The following RERE variants were observed in gnomAD, a reference collection of about 807,000 sequenced individuals.
RERE encodes arginine-glutamic acid dipeptide repeats.
A neutral mutation model predicts 146.1 loss-of-function variants in RERE; 40 were observed. The ratio of observed to expected loss-of-function variants is 0.27; its 90% confidence interval spans 0.21 to 0.36. RERE has a LOEUF of 0.36. RERE is among the 10% of genes least tolerant of loss of function. RERE has a pLI of 1.00. For synonymous variants in RERE, 1,003 were observed against 866.0 expected, an observed-to-expected ratio of 1.16 and a Z score of -2.78; for missense variants, 1,933 against 2,138.7, an observed-to-expected ratio of 0.90 and a Z score of 1.90.
chr1:8,796,657 T>C (rs1373585816), intron 1 of RERE: 1 of 151,960 alleles, frequency 6.6e-6, no homozygotes, highest in Non-Finnish European at 1.5e-5. Context: ...ATTAAATCAC[T>C]AACTTCAGCC....
At chr1:8,710,721 T>C (rs1639649376) in intron 1 of RERE, among the ~76,000 whole-genome samples, 1 of 152,164 alleles carries the variant, frequency 6.6e-6, no homozygotes, top group Non-Finnish European at 1.5e-5. Context: ...TTCACCGTGT[T>C]AGCCAGGACG....
intron 11 of RERE, among the ~76,000 whole-genome samples, chr1:8,460,007 G>A (rs948311688): frequency 7.2e-5 from 11 of 152,016 alleles, no homozygotes; most frequent in Admixed American, 2.0e-4. Context: ...TGAAATCCAC[G>A]TAACCATAAC....
chr1:8,376,740 T>G (rs759223010), intron 12 of RERE, among the ~76,000 whole-genome samples: 41 of 152,336 alleles, frequency 2.7e-4, no homozygotes, highest in South Asian at 8.3e-4. Flanking sequence ...CCTAAAGAGA[T>G]ACGGGCTCTG....
chr1:8,759,365 TAGAA>T lies in RERE; in HGVS notation c.-145+57791_-145+57794del, dbSNP rs530144332. Among the ~76,000 whole-genome samples the T allele has an allele frequency of 2.2e-3, 330 of 152,194 alleles. 1 individual carries two copies. Among genetic ancestry groups the T allele is most frequent in the African/African-American group, 7.7e-3 (321 of 41,524 alleles). ...CTTTCAAAAGGCAAGGATGAAGAAT[TAGAA>T]AGAAAAAGGCCAGAAGCACACAAGT... is the stretch of plus-strand genomic sequence containing the variant. On this transcript the variant is annotated intron_variant, in intron 1 of 22. Coordinates refer to ENST00000400908, the MANE Select transcript of RERE (RefSeq NM_001042681.2).
chr1:8,730,470 G>A (rs986028583), intron 1 of RERE, among the ~76,000 whole-genome samples: 4 of 152,066 alleles, frequency 2.6e-5, no homozygotes, highest in Non-Finnish European at 4.4e-5. Flanking sequence ...AGCCTCCCAA[G>A]TAGCTGGGAT....
chr1:8,594,831 C>T (rs1340231263), intron 4 of RERE, among the ~76,000 whole-genome samples: 9 of 152,084 alleles, frequency 5.9e-5, no homozygotes, highest in African/African-American at 1.4e-4. Context: ...CACTCACTTC[C>T]AGGAGGCCCT....
intron 4 of RERE, among the ~76,000 whole-genome samples, chr1:8,589,936 CTT>C (rs1300539830): frequency 2.6e-5 from 4 of 152,226 alleles, no homozygotes; most frequent in African/African-American, 4.8e-5. Context: ...TAGAACATCT[CTT>C]GTCTCAATGT....
chr1:8,479,301 T>A (rs1405069665), intron 10 of RERE, among the ~76,000 whole-genome samples: 1 of 147,346 alleles, frequency 6.8e-6, no homozygotes, highest in African/African-American at 2.7e-5. Context: ...TTTTTTAAAT[T>A]TTTTTTAAAT....
intron 4 of RERE, among the ~76,000 whole-genome samples, chr1:8,559,280 CAAAAAAAAAAAA>C (rs548075266): frequency 3.3e-4 from 4 of 12,076 alleles, no homozygotes; most frequent in Non-Finnish European, 4.8e-4. Flanking sequence ...AACTCCAGCT[CAAAAAAAAAAAA>C]AAAAAAAAAA....
At chr1:8,720,114 A>C (rs1460400582) in intron 1 of RERE, among the ~76,000 whole-genome samples, 1 of 152,058 alleles carries the variant, frequency 6.6e-6, no homozygotes, top group Non-Finnish European at 1.5e-5. Context: ...AAATACAAAA[A>C]AAAAAAAATT....
At chr1:8,695,567 T>C (rs1017700310) in intron 1 of RERE, among the ~76,000 whole-genome samples, 27 of 111,994 alleles carry the variant, frequency 2.4e-4, no homozygotes, top group Non-Finnish European at 4.0e-4. Flanking sequence ...CTGAACAACA[T>C]GGTGAAGCTC....
rs1643961263 is a variant in RERE, at chr1:8,423,887, C to T, written c.1204-1080G>A. 6.3e-6 allele frequency: 1 copy of T among 158,918 alleles called. No homozygotes were observed. Among genetic ancestry groups the T allele is most frequent in the Non-Finnish European group, 1.3e-5 (1 of 75,394 alleles). The allele number at this position is 158,918 out of a possible 1,614,324, so 9.8% of individuals were successfully genotyped here. A position where few individuals can be genotyped will look rare whatever the true frequency, so the allele number is the denominator to read the frequency against. On this transcript the variant is annotated intron_variant, in intron 11 of 22. Coordinates refer to ENST00000400908, the MANE Select transcript of RERE (RefSeq NM_001042681.2). This position sits in a 1 kb window ranked among gnomAD's most constrained non-coding sequence, Gnocchi z 5.4. ...CCAGCCGGGGCCCCGCGCCCCGGCC[C>T]CGGCCCCGCCCCCGGCCCGACCCCC...
chr1:8,687,764 C>T (rs930037898), intron 1 of RERE, among the ~76,000 whole-genome samples: 3 of 152,150 alleles, frequency 2.0e-5, no homozygotes, highest in Non-Finnish European at 4.4e-5. Flanking sequence ...TAACCTTAAG[C>T]TGAAGTTAAC....
chr1:8,500,728 C>T (rs1645123027), intron 8 of RERE, among the ~76,000 whole-genome samples: 2 of 150,852 alleles, frequency 1.3e-5, no homozygotes, highest in South Asian at 2.1e-4. Context: ...AAGTGAGGAG[C>T]GTCTCTGCCC....
chr1:8,719,733 A>G (rs1639826226), intron 1 of RERE, among the ~76,000 whole-genome samples: 1 of 152,096 alleles, frequency 6.6e-6, no homozygotes, highest in Admixed American at 6.6e-5. Flanking sequence ...TGGGTTAAAA[A>G]CTGTCACATT....
At chr1:8,787,661 T>A (rs2124568906) in intron 1 of RERE, among the ~76,000 whole-genome samples, 1 of 151,984 alleles carries the variant, frequency 6.6e-6, no homozygotes, top group South Asian at 2.1e-4. Context: ...TGAAACCTCG[T>A]CTCTACTAAA....
chr1:8,740,105 C>T (rs1047981630), intron 1 of RERE, among the ~76,000 whole-genome samples: 13 of 152,134 alleles, frequency 8.5e-5, no homozygotes, highest in African/African-American at 2.9e-4. Flanking sequence ...CCAAAAGAAT[C>T]CTCTTCTTCC....
At chr1:8,369,820 T>C (rs886539450) in intron 12 of RERE, among the ~76,000 whole-genome samples, 18 of 152,182 alleles carry the variant, frequency 1.2e-4, no homozygotes, top group Non-Finnish European at 2.2e-4. Flanking sequence ...GACGGAGTCT[T>C]GCTCTGTCTC....
chr1:8,490,066 A>G (rs1644956730), intron 10 of RERE, among the ~76,000 whole-genome samples: 1 of 144,814 alleles, frequency 6.9e-6, no homozygotes, highest in Admixed American at 6.9e-5. Flanking sequence ...AAAAAAAAAA[A>G]AAACCTGTTT....
Sources: gnomAD v4.1 joint callset for allele counts (sites outside exome capture counted in the v4.1 genomes callset) on GRCh38, gnomAD v4.1.1 for gene constraint, Gnocchi (gnomAD v3.1) non-coding constraint, MANE v1.5 for transcripts, NCBI Gene and HGNC (gene_info 2026-07-23, HGNC 2026-07-21) for gene names.